Variants in CEP76 observed in about 807,000 individuals in gnomAD.
CEP76 encodes centrosomal protein of 76 kDa.
CEP76 carries 55 observed loss-of-function variants against 83.3 expected under a neutral mutation model. The ratio of observed to expected loss-of-function variants is 0.66; its 90% confidence interval spans 0.53 to 0.83. The LOEUF (loss-of-function observed/expected upper bound fraction) is 0.83, where lower values mean the gene tolerates loss of function less well. CEP76 is among the 40% of genes least tolerant of loss of function. The pLI is 0.00. For synonymous variants in CEP76, 270 were observed against 274.5 expected (o/e 0.98, Z 0.16); for missense variants, 694 against 799.5 (o/e 0.87, Z 1.59).
At chr18:12,701,501 C>T (rs1464254973) in intron 1 of CEP76, among the ~76,000 whole-genome samples, 1 of 152,154 alleles carries the variant, frequency 6.6e-6, no homozygotes, top group Admixed American at 6.5e-5. Flanking sequence ...CTCAAGCCAA[C>T]TTATTTACCC....
intron 7 of CEP76, among the ~76,000 whole-genome samples, chr18:12,688,647 C>T (rs1467626598): frequency 6.6e-6 from 1 of 152,126 alleles, no homozygotes; most frequent in East Asian, 1.9e-4. Flanking sequence ...ATATTTCAAC[C>T]TCTGAATGGG....
intron 5 of CEP76, among the ~76,000 whole-genome samples, chr18:12,696,451 C>T (rs989362578): frequency 6.6e-6 from 1 of 151,922 alleles, no homozygotes; most frequent in Non-Finnish European, 1.5e-5. Flanking sequence ...TGCAGTGAGC[C>T]GAGATTGCAG....
At chr18:12,690,768 A>G (rs563456455) in intron 7 of CEP76, among the ~76,000 whole-genome samples, 9 of 152,182 alleles carry the variant, frequency 5.9e-5, no homozygotes, top group African/African-American at 2.2e-4. Flanking sequence ...CTGACCATAT[A>G]TTTTATATTG....
chr18:12,702,013 G>C (rs2040170535), intron 1 of CEP76, among the ~76,000 whole-genome samples: 1 of 152,174 alleles, frequency 6.6e-6, no homozygotes, highest in African/African-American at 2.4e-5. Context: ...TGTAATCCCA[G>C]CTACTCGGGA....
chr18:12,698,826 G>A, intron 4 of CEP76, 153 bp downstream of exon 4: 1 of 609,126 alleles, frequency 1.6e-6, no homozygotes, highest in Non-Finnish European at 2.9e-6. Context: ...CAAGAAGGTG[G>A]ATAGTAGTTT....
At chr18:12,662,392 G>A (rs1005812906) in intron 12 of CEP76, among the ~76,000 whole-genome samples, 2 of 152,220 alleles carry the variant, frequency 1.3e-5, no homozygotes, top group African/African-American at 4.8e-5. Context: ...AGCAGTAAAT[G>A]AAACAGTTGG....
intron 8 of CEP76, among the ~76,000 whole-genome samples, chr18:12,682,299 C>T (rs1381938265): frequency 6.6e-6 from 1 of 151,998 alleles, no homozygotes; most frequent in African/African-American, 2.4e-5. Context: ...AAGTGATTCC[C>T]CCGCCTCAGC....
At chr18:12,670,571 C>T (rs1459389733), downstream of CEP76, 3 of 152,084 alleles carry the variant, frequency 2.0e-5, no homozygotes, top group Admixed American at 2.0e-4. Context: ...TAGTACATAC[C>T]TCATAGTTTG....
intron 4 of CEP76, among the ~76,000 whole-genome samples, chr18:12,697,943 A>T (rs2040012581): frequency 6.6e-6 from 1 of 152,154 alleles, no homozygotes; most frequent in Non-Finnish European, 1.5e-5. Flanking sequence ...AGACATTCTG[A>T]AACTTTGCTT....
At chr18:12,685,816 G>C (rs2039520808) in intron 8 of CEP76, 1 of 152,814 alleles carries the variant, frequency 6.5e-6, no homozygotes, top group Non-Finnish European at 1.5e-5. Flanking sequence ...TATTTTAGTA[G>C]AGATAGGGTT....
At chr18:12,668,326 A>G (rs1247400482), downstream of CEP76, among the ~76,000 whole-genome samples, 3 of 151,828 alleles carry the variant, frequency 2.0e-5, no homozygotes, top group Non-Finnish European at 4.4e-5. Flanking sequence ...GTGCCGTCGC[A>G]GATGCCAATA....
chr18:12,674,253 A>G (rs1228888428), intron 11 of CEP76, among the ~76,000 whole-genome samples: 1 of 152,026 alleles, frequency 6.6e-6, no homozygotes, highest in Non-Finnish European at 1.5e-5. Flanking sequence ...CCTGGGCAAC[A>G]TAGGAAGACC....
intron 6 of CEP76, among the ~76,000 whole-genome samples, chr18:12,693,017 T>C (rs997677372): frequency 1.3e-5 from 2 of 152,162 alleles, no homozygotes; most frequent in Non-Finnish European, 2.9e-5. Context: ...AGAGATGAAG[T>C]CTACCTATGT....
At position 12,673,471 on chromosome 18, in the gene CEP76, C is replaced by T. The variant is rs1363884891; in HGVS notation, c.1874G>A (p.Arg625His). ...SPFCEEIICC[R>H]GDQVRLAVRV... ...AACTGCCAGTCGCACTTGGTCTCCA[C>T]GGCAACAGATTATTTCTTCACAGAA... Residue 625 changes from arginine (R) to histidine (H), a missense_variant, in exon 12 of 12, where the codon CGT becomes CAT. Coordinates refer to ENST00000262127, the MANE Select transcript of CEP76 (RefSeq NM_024899.4). The T allele has an allele frequency of 1.3e-5, 20 of 1,584,088 alleles. No individual in the cohort carries two copies. The highest frequency in any genetic ancestry group is 2.3e-5 in the East Asian group (1 of 43,214).
At chr18:12,700,822 C>T (rs1373945731) in intron 2 of CEP76, 136 bp downstream of exon 2, 1 of 609,334 alleles carries the variant, frequency 1.6e-6, no homozygotes, top group African/African-American at 1.8e-5. Flanking sequence ...ATACTTGAAA[C>T]AAGGACACTA....
intron 6 of CEP76, among the ~76,000 whole-genome samples, chr18:12,693,347 C>A (rs1176489169): frequency 6.6e-6 from 1 of 151,748 alleles, no homozygotes; most frequent in Non-Finnish European, 1.5e-5. Context: ...TTGCTTGAGG[C>A]TGGGAGTCTG....
At chr18:12,688,771 C>G (rs896251003) in intron 7 of CEP76, among the ~76,000 whole-genome samples, 1 of 152,164 alleles carries the variant, frequency 6.6e-6, no homozygotes, top group Non-Finnish European at 1.5e-5. Flanking sequence ...CAGTACATGG[C>G]TGGTGGCTAC....
chr18:12,668,810 G>A (rs373743826), downstream of CEP76, among the ~76,000 whole-genome samples: 198 of 128,858 alleles, frequency 1.5e-3, 1 homozygote, highest in African/African-American at 5.4e-3. Flanking sequence ...GAGCAATCTC[G>A]GCTCACTGCA....
Position 12,691,454 on chromosome 18 carries a change from C to G in CEP76, c.838G>C (p.Glu280Gln). 1 of 1,605,460 alleles carries G rather than the reference C, an allele frequency of 6.2e-7. No homozygotes were observed. The highest frequency in any genetic ancestry group is 8.5e-7 in the Non-Finnish European group (1 of 1,176,530). The change falls in exon 7 of 12, where the codon GAG becomes CAG. Residue 280 changes from glutamate to glutamine, a missense_variant. Coordinates refer to ENST00000262127, the MANE Select transcript of CEP76 (RefSeq NM_024899.4). Reference protein sequence around the residue: ...ALERQKTAEKERLFLVYAKQW... With the variant: ...ALERQKTAEKQRLFLVYAKQW... Reference sequence around the variant, plus strand: ...TTAGCATATACAAGAAATAATCGCTCTTTCTCTGCAGTTTTCTGACGTTCC... The same window carrying G: ...TTAGCATATACAAGAAATAATCGCTGTTTCTCTGCAGTTTTCTGACGTTCC...
Sources: gnomAD v4.1 joint callset for allele counts (sites outside exome capture counted in the v4.1 genomes callset) on GRCh38, gnomAD v4.1.1 for gene constraint, MANE v1.5 for transcripts, NCBI Gene and HGNC (gene_info 2026-07-23, HGNC 2026-07-21) for gene names.